Variants in TENM4 observed in about 807,000 individuals in gnomAD.
The protein encoded by TENM4 is teneurin transmembrane protein 4.
TENM4 carries 82 observed loss-of-function variants against 243.3 expected under a neutral mutation model. The observed-to-expected ratio is 0.34, with a 90% CI of 0.28 to 0.40. The LOEUF (loss-of-function observed/expected upper bound fraction) is 0.40, where lower values mean the gene tolerates loss of function less well. TENM4 is among the 10% of genes least tolerant of loss of function. The pLI is 1.00. For missense variants in TENM4, 3,138 were observed against 3,673.3 expected, an observed-to-expected ratio of 0.85 and a Z score of 3.77; for synonymous variants, 1,412 against 1,456.3, an observed-to-expected ratio of 0.97 and a Z score of 0.69.
chr11:79,080,954 G>A (rs141603579), intron 4 of TENM4, among the ~76,000 whole-genome samples: 46 of 152,242 alleles, frequency 3.0e-4, no homozygotes, highest in African/African-American at 9.9e-4. Flanking sequence ...TTAATCACAC[G>A]TCCCCTACTG....
At chr11:78,935,558 A>C (rs1389270425) in intron 6 of TENM4, among the ~76,000 whole-genome samples, 2 of 152,166 alleles carry the variant, frequency 1.3e-5, no homozygotes, top group East Asian at 3.9e-4. Context: ...CAGTTCCCAC[A>C]GTTTGTGCAA....
intron 30 of TENM4, among the ~76,000 whole-genome samples, chr11:78,673,492 C>T (rs1276811050): frequency 1.3e-5 from 2 of 152,112 alleles, no homozygotes; most frequent in African/African-American, 4.8e-5. Flanking sequence ...GAAAGGCCCT[C>T]TGGATCCCTG....
At chr11:79,071,882 C>T (rs1860422725) in intron 4 of TENM4, among the ~76,000 whole-genome samples, 1 of 152,192 alleles carries the variant, frequency 6.6e-6, no homozygotes, top group Non-Finnish European at 1.5e-5. Context: ...GACTGCAATG[C>T]CTCGGGATTA....
chr11:78,711,925 T>C (rs73496538), intron 26 of TENM4, among the ~76,000 whole-genome samples: 4,309 of 152,282 alleles, frequency 0.028, 214 homozygotes, highest in African/African-American at 0.1. Context: ...ACTTGAATAT[T>C]TGCTGAATAA....
intron 4 of TENM4, among the ~76,000 whole-genome samples, chr11:79,119,772 T>A (rs1055585766): frequency 6.6e-6 from 1 of 152,170 alleles, no homozygotes; most frequent in African/African-American, 2.4e-5. Context: ...AGCCCGCCCC[T>A]CTACTCTCTC....
intron 23 of TENM4, among the ~76,000 whole-genome samples, chr11:78,723,710 C>T (rs950653669): frequency 6.6e-6 from 1 of 152,244 alleles, no homozygotes; most frequent in African/African-American, 2.4e-5. Flanking sequence ...CACTTCACAG[C>T]CTCCAAACTG....
Position 78,732,564 on chromosome 11 carries a change from T to C in TENM4, c.2890A>G (p.Thr964Ala). The stretch of plus-strand genomic sequence containing the variant: ...AGGATGATGGAGATGCCGCCATTTG[T>C]CACCAAGTCAAAGCTGTTTGGGAGG... ...SRQDGSFDLVTNGGISIILRF... is the reference protein window; with the variant it reads ...SRQDGSFDLVANGGISIILRF... The change falls in exon 21 of 34, where the codon ACA becomes GCA. Residue 964 changes from threonine to alanine, a missense_variant. Around this residue, in one of 2 missense-constraint regions of TENM4, gnomAD observed 2,467 missense variants for 3,059.1 expected, o/e 0.81. Coordinates refer to ENST00000278550, the MANE Select transcript of TENM4 (RefSeq NM_001098816.3). 4 of 1,602,622 alleles carry C rather than the reference T, an allele frequency of 2.5e-6. No individual in the cohort carries two copies. Among genetic ancestry groups the C allele is most frequent in the Non-Finnish European group, 3.4e-6 (4 of 1,171,770 alleles).
chr11:78,979,757 T>C (rs1294326316), intron 6 of TENM4, among the ~76,000 whole-genome samples: 1 of 152,138 alleles, frequency 6.6e-6, no homozygotes, highest in African/African-American at 2.4e-5. Context: ...ACAGGCCATG[T>C]TCACATCCTA....
At chr11:79,330,036 G>A (rs1590884679) in intron 1 of TENM4, among the ~76,000 whole-genome samples, 1 of 152,194 alleles carries the variant, frequency 6.6e-6, no homozygotes, top group Non-Finnish European at 1.5e-5. Flanking sequence ...GAGAGATCCG[G>A]GCAATGGTGT....
intron 6 of TENM4, among the ~76,000 whole-genome samples, chr11:78,931,197 C>G (rs906151792): frequency 1.3e-5 from 2 of 152,128 alleles, no homozygotes; most frequent in Admixed American, 1.3e-4. Flanking sequence ...TGTGGAGAAG[C>G]GCCCTGTCCA....
intron 1 of TENM4, among the ~76,000 whole-genome samples, chr11:79,413,460 C>A (rs1858745536): frequency 6.6e-6 from 1 of 152,208 alleles, no homozygotes; most frequent in African/African-American, 2.4e-5. Flanking sequence ...CACAGAGAGT[C>A]CAGCTCCTCC....
At chr11:79,294,336 G>GCTA (rs563867543) in intron 2 of TENM4, among the ~76,000 whole-genome samples, 180 of 152,210 alleles carry the variant, frequency 1.2e-3, no homozygotes, top group Non-Finnish European at 2.0e-3. Context: ...AAGAAACAAG[G>GCTA]CTACTACCAG....
chr11:78,820,884 G>T (rs1016330165), intron 12 of TENM4, among the ~76,000 whole-genome samples: 1 of 152,250 alleles, frequency 6.6e-6, no homozygotes, highest in African/African-American at 2.4e-5. Flanking sequence ...TCTGAAAGAA[G>T]TTTTCTCCCA....
Position 78,711,320 on chromosome 11 carries a change from C to T in TENM4, c.4054+1162G>A, listed in dbSNP as rs183209667. Among the ~76,000 whole-genome samples the T allele has an allele frequency of 1.3e-4, 20 of 152,250 alleles. No individual in the cohort carries two copies. In the East Asian group the frequency reaches 2.3e-3, roughly 18 times the overall value. ...GTTTACCATGTGCGGGGTACTACTG[C>T]GCTAAGCATTTACATTCCTAATATT... On this transcript the variant is annotated intron_variant, in intron 26 of 33. Transcript: ENST00000278550.
chr11:79,224,236 G>A (rs897776758), intron 2 of TENM4, among the ~76,000 whole-genome samples: 4 of 152,128 alleles, frequency 2.6e-5, no homozygotes, highest in East Asian at 1.9e-4. Flanking sequence ...GTCCCATGAC[G>A]ATTGTCATGG....
chr11:79,414,834 C>T (rs1013277889), intron 1 of TENM4, among the ~76,000 whole-genome samples: 13 of 152,184 alleles, frequency 8.5e-5, no homozygotes, highest in Non-Finnish European at 1.6e-4. Context: ...AAACCTTGGC[C>T]GGGTGCCTCC....
intron 9 of TENM4, among the ~76,000 whole-genome samples, chr11:78,884,897 T>C (rs1235286708): frequency 2.0e-5 from 3 of 152,132 alleles, no homozygotes; most frequent in African/African-American, 7.2e-5. Context: ...CATCTGTCAA[T>C]TGCGAATAAT....
chr11:79,421,720 A>AC (rs1403818092), intron 1 of TENM4, among the ~76,000 whole-genome samples: 7 of 151,480 alleles, frequency 4.6e-5, no homozygotes, highest in Non-Finnish European at 4.4e-5. Context: ...AAAAAAAAAA[A>AC]CAGTTATCAG....
chr11:78,733,398 A>G (rs555347128), intron 20 of TENM4, among the ~76,000 whole-genome samples: 117 of 152,272 alleles, frequency 7.7e-4, no homozygotes, highest in African/African-American at 2.6e-3. Flanking sequence ...GGTTTGCTCT[A>G]TGATGGTCTC....
Sources: gnomAD v4.1 joint callset for allele counts (sites outside exome capture counted in the v4.1 genomes callset) on GRCh38, gnomAD v4.1.1 for gene constraint, gnomAD v4.1.1 regional missense constraint, MANE v1.5 for transcripts, NCBI Gene and HGNC (gene_info 2026-07-23, HGNC 2026-07-21) for gene names.